SMIM13: variants seen among roughly 807,000 people sequenced by gnomAD.
The protein encoded by SMIM13 is UPF0766 protein C6orf228.
A neutral mutation model predicts 5.9 loss-of-function variants in SMIM13; 3 were observed. The observed-to-expected ratio is 0.51, with a 90% CI of 0.23 to 1.31. The LOEUF is 1.31. SMIM13 is among the 40% of genes most tolerant of loss of function. The pLI is 0.18. For synonymous variants in SMIM13, 55 were observed against 46.0 expected (o/e 1.19, Z -0.79); for missense variants, 85 against 109.9 (o/e 0.77, Z 1.01).
intron 1 of SMIM13, among the ~76,000 whole-genome samples, chr6:11,096,986 CGTCCCCAGTGCCT>C (rs1757933834): frequency 1.3e-5 from 2 of 152,178 alleles, no homozygotes; most frequent in Non-Finnish European, 2.9e-5. Context: ...CCACAGTGCC[CGTCCCCAGTGCCT>C]GGCTAATTTT....
intron 1 of SMIM13, among the ~76,000 whole-genome samples, chr6:11,120,883 T>C (rs1329559766): frequency 1.6e-4 from 24 of 152,224 alleles, no homozygotes; most frequent in South Asian, 2.1e-4. Flanking sequence ...AACTGTGTAA[T>C]TGAAGGTGAA....
At chr6:11,122,292 A>G (rs1758322083) in intron 1 of SMIM13, among the ~76,000 whole-genome samples, 1 of 152,224 alleles carries the variant, frequency 6.6e-6, no homozygotes, top group Non-Finnish European at 1.5e-5. Flanking sequence ...TGAAAGGTGC[A>G]GTGTGATAAT....
intron 1 of SMIM13, among the ~76,000 whole-genome samples, chr6:11,109,860 G>A (rs1289622465): frequency 6.6e-6 from 1 of 152,136 alleles, no homozygotes; most frequent in Non-Finnish European, 1.5e-5. Context: ...GAACAGAGGA[G>A]AGAAGAGAAA....
intron 1 of SMIM13, chr6:11,105,357 C>G: frequency 7.0e-7 from 1 of 1,432,546 alleles, no homozygotes; most frequent in Non-Finnish European, 9.6e-7. Context: ...CAATGGAACT[C>G]CTGGTGGTGT....
Position 11,106,925 on chromosome 6 carries a change from G to C in SMIM13, c.76+12536G>C, listed in dbSNP as rs553313581. Among the ~76,000 whole-genome samples the C allele has an allele frequency of 3.9e-5, 6 of 152,340 alleles. No homozygotes were observed. The South Asian group carries it at 1.2e-3, about 32-fold the overall frequency. On this transcript the variant is annotated intron_variant, in intron 1 of 1. Coordinates refer to ENST00000416247, the MANE Select transcript of SMIM13 (RefSeq NM_001135575.2). ...ATAGCTGTGTGAGTGTGAAGAACCAGAAACGTGTATTTGGAATTTGTATAT... is the reference window on the plus strand; with the variant it reads ...ATAGCTGTGTGAGTGTGAAGAACCACAAACGTGTATTTGGAATTTGTATAT...
At chr6:11,099,340 G>A (rs1456950145) in intron 1 of SMIM13, among the ~76,000 whole-genome samples, 1 of 152,028 alleles carries the variant, frequency 6.6e-6, no homozygotes, top group African/African-American at 2.4e-5. Flanking sequence ...ACACCCGGCT[G>A]GTTTTTGTAT....
intron 1 of SMIM13, among the ~76,000 whole-genome samples, chr6:11,113,234 A>G (rs1244233806): frequency 1.3e-5 from 2 of 152,232 alleles, no homozygotes; most frequent in East Asian, 1.9e-4. Flanking sequence ...ACTGCCAAAC[A>G]TTTGCATTGC....
chr6:11,110,328 T>C (rs929630495), intron 1 of SMIM13, among the ~76,000 whole-genome samples: 2 of 152,228 alleles, frequency 1.3e-5, no homozygotes, highest in African/African-American at 4.8e-5. Flanking sequence ...ATGGGTACTT[T>C]GGTCTCTTGC....
intron 1 of SMIM13, among the ~76,000 whole-genome samples, chr6:11,110,585 A>G (rs1404893029): frequency 1.3e-5 from 2 of 152,162 alleles, no homozygotes; most frequent in East Asian, 1.9e-4. Context: ...GGAATGGAGG[A>G]AAATTTGTAT....
chr6:11,122,539 T>G (rs1388190475), intron 1 of SMIM13, among the ~76,000 whole-genome samples: 1 of 151,634 alleles, frequency 6.6e-6, no homozygotes, highest in African/African-American at 2.4e-5. Context: ...TGTGACCTTT[T>G]TGCAGTGTGG....
chr6:11,112,994 TA>T (rs554050733), intron 1 of SMIM13, among the ~76,000 whole-genome samples: 23 of 151,900 alleles, frequency 1.5e-4, no homozygotes, highest in South Asian at 8.3e-4. Context: ...TTTTATTATA[TA>T]TTTTTTTGTA....
At chr6:11,096,300 A>G (rs1037221578) in intron 1 of SMIM13, among the ~76,000 whole-genome samples, 3 of 152,154 alleles carry the variant, frequency 2.0e-5, no homozygotes, top group East Asian at 1.9e-4. Flanking sequence ...GCATTTCACA[A>G]TAGGGTTTGT....
intron 1 of SMIM13, among the ~76,000 whole-genome samples, chr6:11,116,008 CTTTTTTTTTTTTTTT>C (rs35527082): frequency 2.0e-4 from 16 of 78,530 alleles, no homozygotes; most frequent in Admixed American, 6.8e-4. Flanking sequence ...CTTCCTTCCT[CTTTTTTTTTTTTTTT>C]TTTTTTTTTT....
intron 1 of SMIM13, among the ~76,000 whole-genome samples, chr6:11,096,695 T>TTTTTTTTC (rs1554118002): frequency 0.011 from 1,633 of 149,992 alleles, 23 homozygotes; most frequent in African/African-American, 0.037. Context: ...GTTTTGCTTT[T>TTTTTTTTC]TTTTTTCTTT....
intron 1 of SMIM13, among the ~76,000 whole-genome samples, chr6:11,108,162 G>A (rs1181021287): frequency 6.6e-6 from 1 of 152,136 alleles, no homozygotes; most frequent in Non-Finnish European, 1.5e-5. Context: ...GAGAAAAGAC[G>A]GTTTTCCCCC....
At chr6:11,096,237 C>T (rs1757920524) in intron 1 of SMIM13, among the ~76,000 whole-genome samples, 1 of 152,176 alleles carries the variant, frequency 6.6e-6, no homozygotes, top group African/African-American at 2.4e-5. Context: ...CTCAGATCAT[C>T]AGGCATTAGT....
intron 1 of SMIM13, among the ~76,000 whole-genome samples, chr6:11,116,394 A>T (rs957335948): frequency 6.6e-5 from 10 of 152,212 alleles, no homozygotes; most frequent in Non-Finnish European, 1.2e-4. Context: ...TATAAAGATT[A>T]CACAAAGGAT....
intron 1 of SMIM13, among the ~76,000 whole-genome samples, chr6:11,120,422 C>A (rs796773558): frequency 7.2e-5 from 11 of 152,208 alleles, no homozygotes; most frequent in African/African-American, 2.6e-4. Flanking sequence ...CTCACTGTGT[C>A]CAAACATGGC....
intron 1 of SMIM13, among the ~76,000 whole-genome samples, chr6:11,096,845 A>G (rs1270012516): frequency 6.6e-6 from 1 of 152,078 alleles, no homozygotes; most frequent in Non-Finnish European, 1.5e-5. Flanking sequence ...GATCACAGGC[A>G]TGCGCCTAGC....
Sources: allele counts gnomAD v4.1 joint callset (sites outside exome capture counted in the v4.1 genomes callset), GRCh38; gene constraint gnomAD v4.1.1; transcripts MANE v1.5; gene names NCBI Gene and HGNC (gene_info 2026-07-23, HGNC 2026-07-21).